CDH6: variants seen among roughly 807,000 people sequenced by gnomAD.
CDH6 encodes the protein cadherin-6.
A neutral mutation model predicts 78.0 loss-of-function variants in CDH6; 31 were observed. The ratio of observed to expected loss-of-function variants is 0.40; its 90% CI spans 0.30 to 0.54. The LOEUF (loss-of-function observed/expected upper bound fraction) is 0.54. Ranked by LOEUF, CDH6 falls within the 20% of genes least tolerant of loss-of-function variation. The pLI, the probability that CDH6 is intolerant of heterozygous loss-of-function variation, is 0.56. For synonymous variants in CDH6, 376 were observed against 368.8 expected (o/e 1.02, Z -0.23); for missense variants, 724 against 975.9 (o/e 0.74, Z 3.44).
intron 1 of CDH6, among the ~76,000 whole-genome samples, chr5:31,247,477 C>T (rs1741783756): frequency 6.6e-6 from 1 of 152,216 alleles, no homozygotes; most frequent in South Asian, 2.1e-4. Context: ...GCTGCCCCCA[C>T]ATTGACTGGA....
chr5:31,295,112 T>C (rs1164652793), intron 3 of CDH6, among the ~76,000 whole-genome samples: 1 of 152,184 alleles, frequency 6.6e-6, no homozygotes, highest in Non-Finnish European at 1.5e-5. Context: ...ATCCAAGACA[T>C]AGAAAATAAC....
At chr5:31,211,476 C>G (rs1740703180) in intron 1 of CDH6, among the ~76,000 whole-genome samples, 1 of 151,802 alleles carries the variant, frequency 6.6e-6, no homozygotes, top group Non-Finnish European at 1.5e-5. Context: ...ATCCCAAATC[C>G]TTCTTTAGGG....
At chr5:31,219,787 A>G (rs937636181) in intron 1 of CDH6, among the ~76,000 whole-genome samples, 2 of 152,314 alleles carry the variant, frequency 1.3e-5, no homozygotes, top group African/African-American at 4.8e-5. Flanking sequence ...GTAAGTATTT[A>G]TTGAATAAAT....
In CDH6 at chr5:31,294,547, C is replaced by T. The variant is rs368684610; in HGVS notation, c.523+291C>T. Among the ~76,000 whole-genome samples the T allele has an allele frequency of 1.2e-4, 4 of 33,040 alleles. No individual in the cohort carries two copies. The East Asian group carries it at 4.6e-3, about 38-fold the overall frequency. The allele number at this position is 33,040 out of a possible 152,430, so 21.7% of individuals were successfully genotyped here. On this transcript the variant is annotated intron_variant, in intron 3 of 11. Transcript: ENST00000265071. The surrounding 1 kb of genome is among the most constrained non-coding windows in gnomAD (Gnocchi z 4.1). ...CTCTCCCACCCTAAATGCCCATTCTCTTTCTTGGGCTGAAAGCAACCTTCT... is the reference window on the plus strand; with the variant it reads ...CTCTCCCACCCTAAATGCCCATTCTTTTTCTTGGGCTGAAAGCAACCTTCT...
At chr5:31,255,378 A>G (rs1363945715) in intron 1 of CDH6, among the ~76,000 whole-genome samples, 1 of 152,214 alleles carries the variant, frequency 6.6e-6, no homozygotes, top group Non-Finnish European at 1.5e-5. Context: ...TTCTTCTTTC[A>G]CATATTTAAA....
At chr5:31,220,709 C>T (rs1205102318) in intron 1 of CDH6, among the ~76,000 whole-genome samples, 1 of 152,092 alleles carries the variant, frequency 6.6e-6, no homozygotes, top group Non-Finnish European at 1.5e-5. Flanking sequence ...ACTGAGGGGG[C>T]ATATTCTCTG....
intron 1 of CDH6, among the ~76,000 whole-genome samples, chr5:31,204,015 C>T (rs1370772974): frequency 6.6e-6 from 1 of 152,164 alleles, no homozygotes; most frequent in East Asian, 1.9e-4. Flanking sequence ...TGGTCCCAAA[C>T]CTCCAGATAC....
At chr5:31,208,055 G>T (rs1298163705) in intron 1 of CDH6, among the ~76,000 whole-genome samples, 1 of 152,344 alleles carries the variant, frequency 6.6e-6, no homozygotes, top group Non-Finnish European at 1.5e-5. Flanking sequence ...AGCTCTGGGA[G>T]CCCACACTAT....
rs1217207284 is a variant in CDH6 at position 31,246,199 on chromosome 5, C to T, written c.-128-21147C>T. ...TGCTGGGATTATAGCCATGAGCCAC[C>T]GCACCCAGCCTTAACATTTTCTTAA... On this transcript the variant is annotated intron_variant, in intron 1 of 11. Transcript: ENST00000265071. 5.3e-5 allele frequency among the ~76,000 whole-genome samples: 8 copies of T among 152,020 alleles called. No individual in the cohort carries two copies. In the East Asian group the frequency reaches 1.4e-3, roughly 26 times the overall value.
At chr5:31,309,516 A>C (rs1738085406) in intron 7 of CDH6, among the ~76,000 whole-genome samples, 1 of 152,132 alleles carries the variant, frequency 6.6e-6, no homozygotes, top group African/African-American at 2.4e-5. Context: ...TTAACCTCAT[A>C]AAGTTTTAAA....
At position 31,323,833 on chromosome 5, in the gene CDH6, C is replaced by A. The variant is rs560288734; in HGVS notation, c.*525C>A. 2 of 230,532 alleles carry A rather than the reference C, an allele frequency of 8.7e-6. No homozygotes were observed. The highest frequency in any genetic ancestry group is 4.4e-5 in the African/African-American group (2 of 45,300). 14.3% of individuals were successfully genotyped at this position (230,532 alleles called of 1,614,324 possible). ...GCCCATGCTATTTGTTCTTCAAGAACTTTCTCTGCCATCAACTACTATTCA... is the reference window on the plus strand; with the variant it reads ...GCCCATGCTATTTGTTCTTCAAGAAATTTCTCTGCCATCAACTACTATTCA... On this transcript the variant is annotated 3_prime_UTR_variant, in exon 12 of 12. Transcript: ENST00000265071.
At chr5:31,238,227 T>A (rs1741502815) in intron 1 of CDH6, among the ~76,000 whole-genome samples, 1 of 152,250 alleles carries the variant, frequency 6.6e-6, no homozygotes, top group East Asian at 1.9e-4. Flanking sequence ...TGGCAGCTGA[T>A]GATAATTTAA....
chr5:31,238,901 G>A (rs1439833064), intron 1 of CDH6, among the ~76,000 whole-genome samples: 2 of 152,170 alleles, frequency 1.3e-5, no homozygotes, highest in African/African-American at 2.4e-5. Flanking sequence ...GCTAGTCTGA[G>A]TTTTTGATCA....
In CDH6 at chr5:31,302,798, G is replaced by GGA. The variant is rs1737823315; in HGVS notation, c.999+500_999+501insGA. Reference sequence around the variant, plus strand: ...GAAGAAAGAGAGAGAGAGAGAGAGAGAGAAAGAAAGAAAGAAAGAAAGAAA... The same window carrying GGA: ...GAAGAAAGAGAGAGAGAGAGAGAGAGGAAGAAAGAAAGAAAGAAAGAAAGAAA... On this transcript the variant is annotated intron_variant, in intron 6 of 11. Coordinates refer to ENST00000265071, the MANE Select transcript of CDH6 (RefSeq NM_004932.4). 3.3e-3 allele frequency among the ~76,000 whole-genome samples: 120 copies of GGA among 36,602 alleles called. 2 individuals carry two copies. The highest frequency in any genetic ancestry group is 0.012 in the African/African-American group (118 of 9,962). 24.0% of individuals were successfully genotyped at this position (36,602 alleles called of 152,430 possible). A position where few individuals can be genotyped will look rare whatever the true frequency, so the allele number is the denominator to read the frequency against.
chr5:31,327,085 A>C lies in CDH6; in HGVS notation c.*3777A>C, dbSNP rs566156070. 1 of 181,704 alleles carries C rather than the reference A, an allele frequency of 5.5e-6. No homozygotes were observed. The highest frequency in any genetic ancestry group is 2.3e-5 in the African/African-American group (1 of 42,574). The allele number at this position is 181,704 out of a possible 1,614,324, so 11.3% of individuals were successfully genotyped here. A position where few individuals can be genotyped will look rare whatever the true frequency, so the allele number is the denominator to read the frequency against. On this transcript the variant is annotated 3_prime_UTR_variant, in exon 12 of 12. Coordinates refer to ENST00000265071, the MANE Select transcript of CDH6 (RefSeq NM_004932.4). ...CTATTACTTTCACTTTTACATATAT[A>C]AATTTTAAGTGTCCTGATTGGCTGA...
intron 1 of CDH6, among the ~76,000 whole-genome samples, chr5:31,208,904 T>C (rs141379049): frequency 6.6e-6 from 1 of 152,304 alleles, no homozygotes; most frequent in Non-Finnish European, 1.5e-5. Flanking sequence ...TGTAGTCCAA[T>C]TTCATTCCTC....
chr5:31,251,355 C>T (rs1023803180), intron 1 of CDH6: 1 of 152,280 alleles, frequency 6.6e-6, no homozygotes, highest in African/African-American at 2.4e-5. Context: ...CACCTACTCC[C>T]TGCAATCCTC....
At chr5:31,223,090 C>G (rs1237846448) in intron 1 of CDH6, among the ~76,000 whole-genome samples, 1 of 152,118 alleles carries the variant, frequency 6.6e-6, no homozygotes, top group Non-Finnish European at 1.5e-5. Context: ...TCAAGCTACA[C>G]AGTGTCTTTC....
chr5:31,225,323 C>G (rs932361003), intron 1 of CDH6, among the ~76,000 whole-genome samples: 7 of 152,176 alleles, frequency 4.6e-5, no homozygotes, highest in Non-Finnish European at 1.0e-4. Context: ...AGGATGTGAG[C>G]CATGTATTCT....
Sources: gnomAD v4.1 joint callset for allele counts (sites outside exome capture counted in the v4.1 genomes callset) on GRCh38, gnomAD v4.1.1 for gene constraint, Gnocchi (gnomAD v3.1) non-coding constraint, MANE v1.5 for transcripts, NCBI Gene and HGNC (gene_info 2026-07-23, HGNC 2026-07-21) for gene names.